The following DOCK10 variants were observed in gnomAD, a reference collection of about 807,000 sequenced individuals.
DOCK10 encodes dedicator of cytokinesis 10.
Under a neutral mutation model 280.1 loss-of-function variants are expected in DOCK10, and 145 were observed. That is an observed-to-expected ratio of 0.52 (90% CI 0.45 to 0.59). The LOEUF (loss-of-function observed/expected upper bound fraction) is 0.59. Among genes scored for constraint, DOCK10 ranks in the 20% least tolerant of loss-of-function variants. DOCK10 has a pLI of 0.00. For synonymous variants in DOCK10, 915 were observed against 942.2 expected (o/e 0.97, Z 0.53); for missense variants, 2,368 against 2,651.7 (o/e 0.89, Z 2.35).
At chr2:224,790,203 G>A (rs1233552743) in intron 47 of DOCK10, among the ~76,000 whole-genome samples, 1 of 152,214 alleles carries the variant, frequency 6.6e-6, no homozygotes, top group Non-Finnish European at 1.5e-5. Context: ...AGTTGATAAT[G>A]GGTAACATTC....
rs148292490 is a variant in DOCK10, at chr2:224,821,293, T to C, written c.3184-1764A>G. Reference sequence around the variant, plus strand: ...TAATATTTTAATTGTTAAATTCCAATGTTGACTAATTCACAGTATTTGCTA... The same window carrying C: ...TAATATTTTAATTGTTAAATTCCAACGTTGACTAATTCACAGTATTTGCTA... On this transcript the variant is annotated intron_variant, in intron 28 of 55. Transcript: ENST00000258390. 4.6e-3 allele frequency among the ~76,000 whole-genome samples: 702 copies of C among 152,350 alleles called. 7 individuals are homozygous for C. The highest frequency in any genetic ancestry group is 0.015 in the African/African-American group (628 of 41,582).
At chr2:224,799,148 T>G (rs945974133) in intron 41 of DOCK10, among the ~76,000 whole-genome samples, 1 of 152,204 alleles carries the variant, frequency 6.6e-6, no homozygotes, top group Non-Finnish European at 1.5e-5. Flanking sequence ...TTTAAATACT[T>G]TTTTTTGTAA....
At chr2:224,853,512 A>T (rs1316948813) in intron 16 of DOCK10, among the ~76,000 whole-genome samples, 2 of 152,232 alleles carry the variant, frequency 1.3e-5, no homozygotes, top group Non-Finnish European at 2.9e-5. Flanking sequence ...ACATGACTGA[A>T]AAAAGCTTTG....
At chr2:224,807,647 T>G in intron 33 of DOCK10, 21 bp downstream of exon 33, 3 of 1,399,810 alleles carry the variant, frequency 2.1e-6, no homozygotes, top group Non-Finnish European at 2.9e-6. Context: ...CATAGAAATG[T>G]GACATATTGT....
chr2:224,947,879 G>A (rs899986864), intron 1 of DOCK10, among the ~76,000 whole-genome samples: 3 of 151,948 alleles, frequency 2.0e-5, no homozygotes, highest in Admixed American at 1.3e-4. Context: ...TAGAACACGC[G>A]GCACTCAAAA....
intron 1 of DOCK10, among the ~76,000 whole-genome samples, chr2:224,985,880 T>A (rs1199457958): frequency 6.6e-6 from 1 of 152,216 alleles, no homozygotes; most frequent in Non-Finnish European, 1.5e-5. Context: ...AAAGACCTTT[T>A]TACAATGGGC....
intron 1 of DOCK10, among the ~76,000 whole-genome samples, chr2:225,019,089 AT>A (rs1689714243): frequency 6.6e-6 from 1 of 151,710 alleles, no homozygotes; most frequent in Admixed American, 6.6e-5. Context: ...CTAAACCTTT[AT>A]TTTTGAATTG....
At chr2:224,850,792 T>G (rs1390222341) in intron 18 of DOCK10, among the ~76,000 whole-genome samples, 1 of 151,778 alleles carries the variant, frequency 6.6e-6, no homozygotes, top group African/African-American at 2.4e-5. Flanking sequence ...TCACACATGC[T>G]CTCTCTCTCT....
chr2:224,880,224 C>T (rs1377238059), intron 7 of DOCK10, among the ~76,000 whole-genome samples: 2 of 152,044 alleles, frequency 1.3e-5, no homozygotes, highest in East Asian at 1.9e-4. Flanking sequence ...CAAAAAGGGA[C>T]ATTTATAATT....
chr2:224,878,541 C>T (rs866459413), intron 7 of DOCK10, among the ~76,000 whole-genome samples: 2 of 152,202 alleles, frequency 1.3e-5, no homozygotes, highest in Non-Finnish European at 2.9e-5. Context: ...ATTGCCCCGG[C>T]ACAACAAAGG....
At chr2:224,853,210 C>G in intron 16 of DOCK10, 88 bp from the exon 17 acceptor site, 1 of 1,197,540 alleles carries the variant, frequency 8.4e-7, no homozygotes. Flanking sequence ...TGAACCCACT[C>G]AAGATAGAAA....
intron 48 of DOCK10, 118 bp from the exon 49 acceptor site, chr2:224,787,515 A>T: frequency 7.9e-7 from 1 of 1,263,324 alleles, no homozygotes; most frequent in Non-Finnish European, 1.1e-6. Flanking sequence ...GGCATTTAAA[A>T]CCCAGCAGGG....
rs558575244 is a variant in DOCK10 at position 224,765,854 on chromosome 2, A to C, written c.6445-17T>G. On this transcript the variant is annotated splice_polypyrimidine_tract_variant and intron_variant, in intron 55 of 55. Coordinates refer to ENST00000258390, the MANE Select transcript of DOCK10 (RefSeq NM_014689.3). Reference sequence around the variant, plus strand: ...GCCCGTAATCTTAAAACAGGGAAAAACACAACACAACAGAATGCAGAGGTT... The same window carrying C: ...GCCCGTAATCTTAAAACAGGGAAAACCACAACACAACAGAATGCAGAGGTT... 3.2e-6 allele frequency: 5 copies of C among 1,586,152 alleles called. No individual in the cohort carries two copies. Among genetic ancestry groups the C allele is most frequent in the South Asian group, 1.1e-5 (1 of 89,656 alleles).
chr2:224,947,172 T>C (rs535276766), intron 1 of DOCK10: 2 of 636,366 alleles, frequency 3.1e-6, no homozygotes, highest in Non-Finnish European at 4.7e-6. Flanking sequence ...CTTTTGTGCA[T>C]ATATCCTCCC....
chr2:224,826,110 C>T (rs376794413), intron 27 of DOCK10, among the ~76,000 whole-genome samples: 1 of 152,338 alleles, frequency 6.6e-6, no homozygotes, highest in East Asian at 1.9e-4. Flanking sequence ...GTGGCCCAGG[C>T]TGGAGTGCAG....
At chr2:224,987,015 C>T (rs1368031412) in intron 1 of DOCK10, among the ~76,000 whole-genome samples, 1 of 152,178 alleles carries the variant, frequency 6.6e-6, no homozygotes, top group East Asian at 1.9e-4. Flanking sequence ...CTTTTTGCTG[C>T]ACCTGCCTGC....
At chr2:224,789,850 G>A (rs1378387084) in intron 47 of DOCK10, among the ~76,000 whole-genome samples, 3 of 151,476 alleles carry the variant, frequency 2.0e-5, no homozygotes, top group East Asian at 1.9e-4. Flanking sequence ...GTGCCATCTC[G>A]GCTCACTGCA....
chr2:225,015,320 T>A (rs2106080669), intron 1 of DOCK10, among the ~76,000 whole-genome samples: 1 of 152,362 alleles, frequency 6.6e-6, no homozygotes, highest in East Asian at 1.9e-4. Context: ...GTGACTGAAC[T>A]TTTATGAGAG....
At position 224,805,206 on chromosome 2, in the gene DOCK10, C is replaced by T. The variant is rs560801788; in HGVS notation, c.4051G>A (p.Glu1351Lys). Residue 1351 changes from glutamate (E) to lysine (K), a missense_variant and splice_region_variant, in exon 36 of 56, where the codon GAG becomes AAG. Glu to Lys is a moderately conservative substitution (Grantham distance 56). This residue lies in a region of DOCK10 where 1,159 missense variants were observed against 1,400.8 expected (regional missense o/e 0.83). Coordinates refer to ENST00000258390, the MANE Select transcript of DOCK10 (RefSeq NM_014689.3). The surrounding 1 kb of genome is among the most constrained non-coding windows in gnomAD (Gnocchi z 4.3). ...AAAAAAATTAAAGAATTCTCTTTAC[C>T]GTACGAAATCGTTTTCATAATGTGA... is the stretch of plus-strand genomic sequence containing the variant. ...FLHIMKTISYETLIAYWQRAP... is the reference protein window; with the variant it reads ...FLHIMKTISYKTLIAYWQRAP... 2.6e-5 allele frequency: 42 copies of T among 1,607,278 alleles called. No homozygotes were observed. In the Middle Eastern group the frequency reaches 1.0e-3, roughly 38 times the overall value.
Sources: gnomAD v4.1 joint callset for allele counts (sites outside exome capture counted in the v4.1 genomes callset) on GRCh38, gnomAD v4.1.1 for gene constraint, gnomAD v4.1.1 regional missense constraint, Gnocchi (gnomAD v3.1) non-coding constraint, MANE v1.5 for transcripts, NCBI Gene and HGNC (gene_info 2026-07-23, HGNC 2026-07-21) for gene names.